The following ADK variants were observed in gnomAD, a reference collection of about 807,000 sequenced individuals.
ADK encodes the protein adenosine kinase.
In ADK, 24 loss-of-function variants were observed where a neutral mutation model predicts 44.7. The ratio of observed to expected loss-of-function variants is 0.54; its 90% CI spans 0.39 to 0.76. The LOEUF (loss-of-function observed/expected upper bound fraction) is 0.76. Ranked by LOEUF, ADK falls within the 30% of genes least tolerant of loss-of-function variation. The pLI is 0.00. For missense variants in ADK, 321 were observed against 425.1 expected, an observed-to-expected ratio of 0.76 and a Z score of 2.15; for synonymous variants, 128 against 142.6, an observed-to-expected ratio of 0.90 and a Z score of 0.73.
intron 4 of ADK, among the ~76,000 whole-genome samples, chr10:74,382,820 C>T (rs1843016656): frequency 6.6e-6 from 1 of 151,892 alleles, no homozygotes. Context: ...TATCTGGGTT[C>T]TGCCTACACT....
chr10:74,663,177 G>T (rs1854809931), intron 9 of ADK, among the ~76,000 whole-genome samples: 1 of 151,156 alleles, frequency 6.6e-6, no homozygotes, highest in Admixed American at 6.6e-5. Context: ...GGAGGTTGAA[G>T]TGAGCCAAGA....
chr10:74,386,613 GC>G (rs1292919151), intron 4 of ADK, among the ~76,000 whole-genome samples: 1 of 151,890 alleles, frequency 6.6e-6, no homozygotes, highest in Non-Finnish European at 1.5e-5. Flanking sequence ...CATACTCTTT[GC>G]TCGAAAACCT....
chr10:74,168,959 C>T (rs1842099240), intron 1 of ADK, among the ~76,000 whole-genome samples: 1 of 152,146 alleles, frequency 6.6e-6, no homozygotes, highest in East Asian at 1.9e-4. Flanking sequence ...GGTGTGGTGG[C>T]TCATGCCTGT....
At chr10:74,229,525 G>A (rs1188017596) in intron 3 of ADK, among the ~76,000 whole-genome samples, 4 of 151,334 alleles carry the variant, frequency 2.6e-5, no homozygotes, top group African/African-American at 9.7e-5. Flanking sequence ...AGCCTCCAGA[G>A]TAGCTGGGAC....
chr10:74,703,389 G>A (rs1333746774), intron 10 of ADK, among the ~76,000 whole-genome samples: 1 of 151,992 alleles, frequency 6.6e-6, no homozygotes, highest in African/African-American at 2.4e-5. Context: ...GGCAGAGGTA[G>A]GAGAATCACC....
chr10:74,224,418 GTTT>G, intron 2 of ADK, 117 bp from the exon 3 acceptor site: 1 of 778,298 alleles, frequency 1.3e-6, no homozygotes, highest in East Asian at 2.7e-5. Context: ...CATTCTTGGT[GTTT>G]TATCAATTAA....
chr10:74,670,722 GTT>G (rs1855138084), intron 10 of ADK, among the ~76,000 whole-genome samples: 1 of 152,098 alleles, frequency 6.6e-6, no homozygotes, highest in South Asian at 2.1e-4. Flanking sequence ...GTGGTTGTTT[GTT>G]ATACTAAAAA....
At chr10:74,292,105 A>G (rs930915651) in intron 3 of ADK, among the ~76,000 whole-genome samples, 2 of 151,892 alleles carry the variant, frequency 1.3e-5, no homozygotes, top group African/African-American at 4.8e-5. Flanking sequence ...CTCCCTCTCT[A>G]CTTACCTACC....
chr10:74,265,165 T>A (rs1285341439), intron 3 of ADK, among the ~76,000 whole-genome samples: 4 of 152,106 alleles, frequency 2.6e-5, no homozygotes, highest in African/African-American at 9.7e-5. Context: ...TTCCCAAAAT[T>A]GATTTAGCTG....
At position 74,389,419 on chromosome 10, in the gene ADK, T is replaced by A. The variant is rs570822148; in HGVS notation, c.274-4722T>A. ...TTAGTTGGATGTTGGTGAAACATTG[T>A]GTTTTAGATGCTTACAGATGTACTA... is the stretch of plus-strand genomic sequence containing the variant. On this transcript the variant is annotated intron_variant, in intron 4 of 10. Transcript: ENST00000539909. Among the ~76,000 whole-genome samples, 4 of 152,340 alleles carry A rather than the reference T, an allele frequency of 2.6e-5. No homozygotes were observed. The South Asian group carries it at 8.3e-4, about 32-fold the overall frequency.
At chr10:74,297,326 T>G (rs1228335237) in intron 3 of ADK, among the ~76,000 whole-genome samples, 1 of 152,236 alleles carries the variant, frequency 6.6e-6, no homozygotes, top group African/African-American at 2.4e-5. Context: ...TGTAAGCTCA[T>G]AGAAAATGGA....
intron 7 of ADK, among the ~76,000 whole-genome samples, chr10:74,530,926 G>A (rs1331494029): frequency 1.3e-5 from 2 of 152,026 alleles, no homozygotes; most frequent in Non-Finnish European, 2.9e-5. Context: ...GTCTCAAAAA[G>A]AAAAAAGAAG....
intron 6 of ADK, among the ~76,000 whole-genome samples, chr10:74,422,531 G>A (rs1844595096): frequency 6.6e-6 from 1 of 152,204 alleles, no homozygotes; most frequent in Non-Finnish European, 1.5e-5. Context: ...AGTAATGTAA[G>A]ATGCTAAGAT....
At chr10:74,174,686 C>G (rs1253134257) in intron 1 of ADK, 1 of 152,224 alleles carries the variant, frequency 6.6e-6, no homozygotes, top group Non-Finnish European at 1.5e-5. Context: ...TGCTTCAGAT[C>G]CTGTTTAATC....
intron 3 of ADK, among the ~76,000 whole-genome samples, chr10:74,277,690 C>T (rs560130686): frequency 3.9e-5 from 6 of 152,254 alleles, no homozygotes; most frequent in Admixed American, 3.3e-4. Flanking sequence ...TGAGCCACCG[C>T]GCCCAGCTAA....
intron 6 of ADK, among the ~76,000 whole-genome samples, chr10:74,438,120 TA>T (rs1456519789): frequency 6.6e-6 from 1 of 152,148 alleles, no homozygotes; most frequent in African/African-American, 2.4e-5. Context: ...ACCCCCACCT[TA>T]TATAACCATG....
At chr10:74,393,892 A>G (rs1425618890) in intron 4 of ADK, among the ~76,000 whole-genome samples, 4 of 152,158 alleles carry the variant, frequency 2.6e-5, no homozygotes, top group African/African-American at 9.7e-5. Context: ...TAAGGTCTGT[A>G]TGATTTTAGC....
intron 6 of ADK, among the ~76,000 whole-genome samples, chr10:74,473,626 G>A (rs1196682533): frequency 1.3e-5 from 2 of 152,154 alleles, no homozygotes; most frequent in Non-Finnish European, 2.9e-5. Flanking sequence ...CTGAAATTAT[G>A]GGGTTTTGAG....
intron 6 of ADK, among the ~76,000 whole-genome samples, chr10:74,521,883 A>G (rs1345005006): frequency 6.6e-6 from 1 of 152,232 alleles, no homozygotes; most frequent in Non-Finnish European, 1.5e-5. Context: ...ACACTTGAAT[A>G]TTGGTAAAGA....
Sources: allele counts gnomAD v4.1 joint callset (sites outside exome capture counted in the v4.1 genomes callset), GRCh38; gene constraint gnomAD v4.1.1; transcripts MANE v1.5; gene names NCBI Gene and HGNC (gene_info 2026-07-23, HGNC 2026-07-21).